Variants in MGAM observed in about 807,000 individuals in gnomAD.
The protein encoded by MGAM is alpha-1,4-glucosidase.
MGAM carries 253 observed loss-of-function variants against 358.8 expected under a neutral mutation model. The ratio of observed to expected loss-of-function variants is 0.71; its 90% confidence interval spans 0.64 to 0.78. The LOEUF is 0.78. MGAM is among the 30% of genes least tolerant of loss of function. The probability of loss-of-function intolerance (pLI) is 0.00; values close to 1 mark genes in which losing one functional copy is unlikely to be tolerated. For missense variants in MGAM, 3,080 were observed against 3,432.6 expected (o/e 0.90, Z 2.57); for synonymous variants, 1,105 against 1,227.1 (o/e 0.90, Z 2.08).
intron 3 of MGAM, among the ~76,000 whole-genome samples, chr7:142,016,532 A>T (rs1249900126): frequency 1.3e-5 from 2 of 152,104 alleles, no homozygotes; most frequent in Admixed American, 6.6e-5. Context: ...TACTGACTCT[A>T]TGTCTCTCTA....
chr7:142,091,714 C>T (rs1406163385), intron 57 of MGAM, among the ~76,000 whole-genome samples, 199 bp from the exon 58 acceptor site: 1 of 146,026 alleles, frequency 6.8e-6, no homozygotes, highest in African/African-American at 2.4e-5. Flanking sequence ...TTTCCAAATG[C>T]CGGGAAGGTG....
intron 42 of MGAM, among the ~76,000 whole-genome samples, chr7:142,068,287 G>A (rs1267538428): frequency 7.0e-6 from 1 of 141,876 alleles, no homozygotes; most frequent in African/African-American, 2.5e-5. Flanking sequence ...ATGAGCCATC[G>A]CGCCCGGCCC....
rs1053047245 is a variant in MGAM at position 142,083,082 on chromosome 7, C to T, written c.6269-219C>T. On this transcript the variant is annotated intron_variant, in intron 52 of 70. Coordinates refer to ENST00000475668, the MANE Select transcript of MGAM (RefSeq NM_001365693.1). ...TGTAAACATAATTTTAAGAGTAGAACGACAAAATATAGTAAAATACACCAA... is the reference window on the plus strand; with the variant it reads ...TGTAAACATAATTTTAAGAGTAGAATGACAAAATATAGTAAAATACACCAA... Among the ~76,000 whole-genome samples, 7 of 145,960 alleles carry T rather than the reference C, an allele frequency of 4.8e-5. 2 individuals are homozygous for T. Among genetic ancestry groups the T allele is most frequent in the South Asian group, 2.2e-4 (1 of 4,554 alleles).
Position 142,089,620 on chromosome 7 carries a change from A to G in MGAM, c.6811-2293A>G, listed in dbSNP as rs112959670. Among the ~76,000 whole-genome samples the G allele has an allele frequency of 1.6e-3, 233 of 145,536 alleles. 9 individuals are homozygous for G. Among genetic ancestry groups the G allele is most frequent in the South Asian group, 9.3e-3 (42 of 4,504 alleles). On this transcript the variant is annotated intron_variant, in intron 57 of 70. Transcript: ENST00000475668. ...AACCTGACCACCATGGTGAAACCCC[A>G]TCTTTACTAAAAATACAAAAGTTAG... is the stretch of plus-strand genomic sequence containing the variant.
intron 43 of MGAM, among the ~76,000 whole-genome samples, chr7:142,069,466 C>A (rs1338400228): frequency 6.9e-6 from 1 of 145,404 alleles, no homozygotes; most frequent in Non-Finnish European, 1.6e-5. Flanking sequence ...AACTAGGCCT[C>A]TTCTTCTGAC....
In MGAM at chr7:142,068,701, A is replaced by G. The variant is rs934405458; in HGVS notation, c.5059A>G (p.Thr1687Ala). 2.0e-6 allele frequency: 3 copies of G among 1,519,694 alleles called. No homozygotes were observed. The highest frequency in any genetic ancestry group is 2.7e-5 in the African/African-American group (2 of 74,280). 94.1% of individuals were successfully genotyped at this position (1,519,694 alleles called of 1,614,324 possible). The change falls in exon 43 of 71, where the codon ACG (threonine) becomes GCG (alanine). Residue 1687 changes from threonine (T) to alanine (A), a missense_variant and splice_region_variant. By Grantham distance (58) the Thr-to-Ala change is moderately conservative (BLOSUM62 0). Coordinates refer to ENST00000475668, the MANE Select transcript of MGAM (RefSeq NM_001365693.1). ...TAGAGCCCGTTGGTACGATTACTACACGGTAAGTTTTTCTGAATGTTTATA... is the reference window on the plus strand; with the variant it reads ...TAGAGCCCGTTGGTACGATTACTACGCGGTAAGTTTTTCTGAATGTTTATA... Reference protein sequence around the residue: ...FPRARWYDYYTGVDINARGEW... With the variant: ...FPRARWYDYYAGVDINARGEW...
At position 142,085,939 on chromosome 7, in the gene MGAM, G is replaced by A; in HGVS notation, c.6614G>A (p.Gly2205Glu). The A allele has an allele frequency of 6.4e-7, 1 of 1,566,016 alleles. No individual in the cohort carries two copies. Among genetic ancestry groups the A allele is most frequent in the South Asian group, 1.1e-5 (1 of 89,322 alleles). The change falls in exon 55 of 71, where the codon GGG becomes GAG. Residue 2205 changes from glycine to glutamate, a missense_variant. Coordinates refer to ENST00000475668, the MANE Select transcript of MGAM (RefSeq NM_001365693.1). ...CTGATCAATCGCATGAAGGCTGATG[G>A]GATGCGGGTCATCCTCATTCTGGTT... is the stretch of plus-strand genomic sequence containing the variant. ...PALINRMKAD[G>E]MRVILILDPA...
chr7:142,008,080 A>C (rs1805305189), intron 2 of MGAM, among the ~76,000 whole-genome samples: 1 of 152,232 alleles, frequency 6.6e-6, no homozygotes, highest in African/African-American at 2.4e-5. Flanking sequence ...CAAAGCAGCT[A>C]AAAACAAACG....
intron 3 of MGAM, among the ~76,000 whole-genome samples, chr7:142,014,281 A>C (rs1472105917): frequency 1.3e-5 from 2 of 152,166 alleles, no homozygotes; most frequent in Non-Finnish European, 2.9e-5. Flanking sequence ...AAAATATGGA[A>C]TGTTTTCAGT....
chr7:142,099,808 A>C, intron 67 of MGAM, 71 bp downstream of exon 67: 2 of 1,573,292 alleles, frequency 1.3e-6, no homozygotes, highest in Non-Finnish European at 1.7e-6. Flanking sequence ...GTCCACCAAA[A>C]TGTAAGCATC....
chr7:142,040,615 C>G, intron 20 of MGAM, 107 bp from the exon 21 acceptor site: 1 of 1,382,782 alleles, frequency 7.2e-7, no homozygotes, highest in South Asian at 1.4e-5. Flanking sequence ...GACCATAATT[C>G]AGCTAATTGG....
Position 142,078,513 on chromosome 7 carries a change from C to T in MGAM, c.5646+43C>T, listed in dbSNP as rs116456336. The T allele has an allele frequency of 5.5e-5, 81 of 1,484,494 alleles. 4 individuals carry two copies. In the African/African-American group the frequency reaches 8.4e-4, roughly 15 times the overall value. 92.0% of individuals were successfully genotyped at this position (1,484,494 alleles called of 1,614,324 possible). On this transcript the variant is annotated intron_variant, in intron 48 of 70. Transcript: ENST00000475668. ...GTTCATGTGCATGAAAATCTCCACA[C>T]CTAATCTATAGTTTCTTAAGCATAG... is the stretch of plus-strand genomic sequence containing the variant.
chr7:142,015,040 C>A (rs1317832221), intron 3 of MGAM, among the ~76,000 whole-genome samples: 1 of 152,096 alleles, frequency 6.6e-6, no homozygotes, highest in Non-Finnish European at 1.5e-5. Context: ...TACCATCTCA[C>A]TGTCATTTTC....
chr7:142,045,308 G>A (rs868405528), intron 21 of MGAM, among the ~76,000 whole-genome samples: 4 of 57,152 alleles, frequency 7.0e-5, no homozygotes, highest in East Asian at 4.7e-4. Flanking sequence ...TATATTATAT[G>A]TACCTATAAT....
intron 66 of MGAM, among the ~76,000 whole-genome samples, chr7:142,098,462 A>T (rs1816144121): frequency 6.6e-6 from 1 of 152,120 alleles, no homozygotes; most frequent in African/African-American, 2.4e-5. Flanking sequence ...GGGTACAAGC[A>T]GGGATACAGG....
At chr7:142,100,737 G>A in intron 67 of MGAM, 65 bp from the exon 68 acceptor site, 2 of 1,384,952 alleles carry the variant, frequency 1.4e-6, no homozygotes, top group Admixed American at 1.9e-5. Context: ...ATGTTTGTAT[G>A]TAAAGTCTTG....
intron 4 of MGAM, 92 bp from the exon 5 acceptor site, chr7:142,020,882 G>C: frequency 1.1e-6 from 1 of 893,766 alleles, no homozygotes; most frequent in Non-Finnish European, 1.8e-6. Flanking sequence ...GTGAACCACT[G>C]CACCCAGCCC....
chr7:141,990,950 C>T (rs1484682869), upstream of MGAM, among the ~76,000 whole-genome samples: 1 of 152,182 alleles, frequency 6.6e-6, no homozygotes, highest in African/African-American at 2.4e-5. Flanking sequence ...GCTGTCTTCT[C>T]TTTAGCATCG....
In MGAM at chr7:142,071,005, T is replaced by C. The variant is rs770877177; in HGVS notation, c.5073T>C (p.Ile1691=). The C allele has an allele frequency of 5.1e-5, 79 of 1,556,298 alleles. 15 individuals carry two copies. The highest frequency in any genetic ancestry group is 1.7e-4 in the Middle Eastern group (1 of 5,954). ...RWYDYYTGVD[I]NARGEWKTLP... is the part of the protein sequence containing the mutation. ...TCTTCTGCCCCCAGGGTGTGGATAT[T>C]AATGCAAGAGGAGAGTGGAAGACCT... is the stretch of plus-strand genomic sequence containing the variant. Residue 1691 remains isoleucine, a synonymous_variant, in exon 44 of 71, where the codon ATT becomes ATC. Coordinates refer to ENST00000475668, the MANE Select transcript of MGAM (RefSeq NM_001365693.1).
Sources: allele counts gnomAD v4.1 joint callset (sites outside exome capture counted in the v4.1 genomes callset), GRCh38; gene constraint gnomAD v4.1.1; transcripts MANE v1.5; gene names NCBI Gene and HGNC (gene_info 2026-07-23, HGNC 2026-07-21).